The following TAFA2 variants were observed in gnomAD, a reference collection of about 807,000 sequenced individuals.
TAFA2 encodes chemokine-like protein TAFA-2.
Under a neutral mutation model 18.8 loss-of-function variants are expected in TAFA2, and 7 were observed. The ratio of observed to expected loss-of-function variants is 0.37; its 90% CI spans 0.21 to 0.70. The LOEUF (loss-of-function observed/expected upper bound fraction) is 0.70. Ranked by LOEUF, TAFA2 falls within the 30% of genes least tolerant of loss-of-function variation. The pLI, the probability that TAFA2 is intolerant of heterozygous loss-of-function variation, is 0.53. For missense variants in TAFA2, 122 were observed against 158.1 expected, an observed-to-expected ratio of 0.77 and a Z score of 1.23; for synonymous variants, 60 against 54.2, an observed-to-expected ratio of 1.11 and a Z score of -0.47.
At chr12:62,234,874 C>T (rs570877370) in intron 1 of TAFA2, 7 of 1,031,738 alleles carry the variant, frequency 6.8e-6, no homozygotes, top group South Asian at 6.3e-5. Flanking sequence ...GGACTCAGCT[C>T]GGGGCATCCC....
intron 1 of TAFA2, among the ~76,000 whole-genome samples, chr12:62,256,781 A>G (rs1223100868): frequency 6.6e-6 from 1 of 152,152 alleles, no homozygotes; most frequent in Non-Finnish European, 1.5e-5. Flanking sequence ...ATTTTTATTC[A>G]TATCCCAAGT....
At chr12:61,864,746 C>T (rs1874278557) in intron 2 of TAFA2, among the ~76,000 whole-genome samples, 2 of 130,412 alleles carry the variant, frequency 1.5e-5, no homozygotes, top group South Asian at 4.9e-4. Context: ...GCACTCTAGC[C>T]TAGGCGACAG....
chr12:62,181,047 T>A (rs1280270275), intron 1 of TAFA2, among the ~76,000 whole-genome samples: 1 of 152,210 alleles, frequency 6.6e-6, no homozygotes, highest in East Asian at 1.9e-4. Flanking sequence ...ATGGAAAGAA[T>A]GAGAATTTCA....
At chr12:62,132,724 CACAGATA>C (rs1480076905) in intron 1 of TAFA2, among the ~76,000 whole-genome samples, 2 of 151,870 alleles carry the variant, frequency 1.3e-5, no homozygotes, top group African/African-American at 4.8e-5. Context: ...AGGCATGTTG[CACAGATA>C]ATTCAGATGC....
intron 1 of TAFA2, among the ~76,000 whole-genome samples, chr12:61,916,337 T>C (rs960291994): frequency 6.6e-6 from 1 of 152,200 alleles, no homozygotes; most frequent in African/African-American, 2.4e-5. Flanking sequence ...TCAACTAAAC[T>C]TCCACATAAT....
At chr12:61,922,302 T>C (rs1480637314) in intron 1 of TAFA2, among the ~76,000 whole-genome samples, 1 of 152,152 alleles carries the variant, frequency 6.6e-6, no homozygotes, top group African/African-American at 2.4e-5. Flanking sequence ...TAGGATCCAA[T>C]GCTGGGCAAG....
At chr12:62,139,795 C>A (rs1192273666) in intron 1 of TAFA2, among the ~76,000 whole-genome samples, 1 of 152,180 alleles carries the variant, frequency 6.6e-6, no homozygotes, top group Non-Finnish European at 1.5e-5. Flanking sequence ...CCAATTTCCT[C>A]ACTATACAGA....
At chr12:62,201,198 G>T (rs530512743) in intron 1 of TAFA2, among the ~76,000 whole-genome samples, 1 of 152,132 alleles carries the variant, frequency 6.6e-6, no homozygotes, top group Non-Finnish European at 1.5e-5. Context: ...GAGACAGTTT[G>T]ACTTCCTCTC....
chr12:61,759,102 T>C (rs940782002), intron 2 of TAFA2, among the ~76,000 whole-genome samples: 1 of 152,044 alleles, frequency 6.6e-6, no homozygotes, highest in African/African-American at 2.4e-5. Context: ...TTCAAGGAGA[T>C]TTTATTATAT....
chr12:62,085,894 T>C (rs1026938600), intron 1 of TAFA2, among the ~76,000 whole-genome samples: 2 of 152,076 alleles, frequency 1.3e-5, no homozygotes, highest in African/African-American at 4.8e-5. Flanking sequence ...TCCCATGCTG[T>C]TCTTGTGATA....
At chr12:61,894,498 A>G (rs938345392) in intron 1 of TAFA2, among the ~76,000 whole-genome samples, 7 of 152,340 alleles carry the variant, frequency 4.6e-5, no homozygotes, top group South Asian at 2.1e-4. Context: ...ACAGTGCTAC[A>G]TTTGGGGAGC....
At chr12:62,092,474 C>G (rs187431806) in intron 1 of TAFA2, among the ~76,000 whole-genome samples, 3 of 151,914 alleles carry the variant, frequency 2.0e-5, no homozygotes, top group Non-Finnish European at 4.4e-5. Context: ...TTTGATAAAT[C>G]CCACAGTCAG....
intron 4 of TAFA2, among the ~76,000 whole-genome samples, chr12:61,729,814 C>T (rs2120644873): frequency 6.6e-6 from 1 of 152,040 alleles, no homozygotes; most frequent in Middle Eastern, 3.4e-3. Flanking sequence ...GTCATATTAC[C>T]AGAATTATTT....
chr12:62,237,218 A>G (rs2062841731), intron 1 of TAFA2, among the ~76,000 whole-genome samples: 1 of 152,098 alleles, frequency 6.6e-6, no homozygotes, highest in South Asian at 2.1e-4. Flanking sequence ...CACATGATCC[A>G]TTCTGTTCGC....
chr12:62,196,392 C>T (rs1330282263), upstream of TAFA2, among the ~76,000 whole-genome samples: 1 of 152,198 alleles, frequency 6.6e-6, no homozygotes. Flanking sequence ...CAGTTTGGCT[C>T]AAGAGGCCTA....
intron 4 of TAFA2, among the ~76,000 whole-genome samples, chr12:61,735,837 T>C (rs1046259754): frequency 1.4e-4 from 21 of 152,056 alleles, no homozygotes; most frequent in African/African-American, 5.1e-4. Context: ...TTTTTCATTG[T>C]ATGCTGAATA....
At chr12:62,230,531 T>G (rs1419346501) in intron 1 of TAFA2, among the ~76,000 whole-genome samples, 1 of 152,210 alleles carries the variant, frequency 6.6e-6, no homozygotes, top group African/African-American at 2.4e-5. Flanking sequence ...AAGTTCCTCT[T>G]GTTATTAATT....
At chr12:61,869,441 C>G (rs1352551154) in intron 1 of TAFA2, among the ~76,000 whole-genome samples, 1 of 152,166 alleles carries the variant, frequency 6.6e-6, no homozygotes, top group East Asian at 1.9e-4. Flanking sequence ...ATTACTCAGT[C>G]AGACTAGCAT....
intron 1 of TAFA2, among the ~76,000 whole-genome samples, chr12:62,225,882 G>A (rs1484340692): frequency 6.6e-6 from 1 of 152,188 alleles, no homozygotes; most frequent in African/African-American, 2.4e-5. Flanking sequence ...GTGTATAAAT[G>A]GGTTTAAAAT....
Sources: allele counts gnomAD v4.1 joint callset (sites outside exome capture counted in the v4.1 genomes callset), GRCh38; gene constraint gnomAD v4.1.1; transcripts MANE v1.5; gene names NCBI Gene and HGNC (gene_info 2026-07-23, HGNC 2026-07-21).